CADPS: variants seen among roughly 807,000 people sequenced by gnomAD.
The protein encoded by CADPS is calcium dependent secretion activator.
In CADPS, 57 loss-of-function variants were observed where a neutral mutation model predicts 167.3. That is an observed-to-expected ratio of 0.34 (90% CI 0.28 to 0.42). The LOEUF is 0.42. Ranked by LOEUF, CADPS falls within the 20% of genes least tolerant of loss-of-function variation. The probability of loss-of-function intolerance (pLI) is 1.00; values close to 1 mark genes in which losing one functional copy is unlikely to be tolerated. For synonymous variants in CADPS, 676 were observed against 635.3 expected (o/e 1.06, Z -0.96); for missense variants, 1,414 against 1,738.1 (o/e 0.81, Z 3.32).
At chr3:62,523,138 C>T (rs969455965) in intron 13 of CADPS, among the ~76,000 whole-genome samples, 1 of 152,154 alleles carries the variant, frequency 6.6e-6, no homozygotes, top group African/African-American at 2.4e-5. Context: ...TCCTCACAGT[C>T]TCCCATCTTG....
chr3:62,656,883 T>G (rs1273801510), intron 4 of CADPS, among the ~76,000 whole-genome samples: 1 of 152,154 alleles, frequency 6.6e-6, no homozygotes, highest in Non-Finnish European at 1.5e-5. Flanking sequence ...TGAACAAGCT[T>G]CAGAGGACCC....
intron 6 of CADPS, among the ~76,000 whole-genome samples, chr3:62,609,957 T>A (rs2061264155): frequency 6.6e-6 from 1 of 151,858 alleles, no homozygotes; most frequent in Non-Finnish European, 1.5e-5. Flanking sequence ...GGAGTGGTGG[T>A]CCGTGCCTAT....
chr3:62,561,540 G>A (rs939660147), intron 9 of CADPS, among the ~76,000 whole-genome samples: 11 of 151,982 alleles, frequency 7.2e-5, no homozygotes, highest in Non-Finnish European at 1.3e-4. Flanking sequence ...AAAGTGCTGG[G>A]ATTACAGGCA....
rs4423760 is a variant in CADPS at position 62,749,415 on chromosome 3, T to A, written c.888+4026A>T. ...GCAGCAGCAGAAATCAGATTACAGC[T>A]TCCCCTAGGATACGATATGCGTAAG... On this transcript the variant is annotated intron_variant, in intron 3 of 29. Coordinates refer to ENST00000383710, the MANE Select transcript of CADPS (RefSeq NM_003716.4). 3.9e-5 allele frequency among the ~76,000 whole-genome samples: 6 copies of A among 152,152 alleles called. No individual in the cohort carries two copies. In the East Asian group the frequency reaches 5.8e-4, roughly 15 times the overall value.
intron 6 of CADPS, among the ~76,000 whole-genome samples, chr3:62,621,686 C>T (rs1250295009): frequency 6.6e-6 from 1 of 151,862 alleles, no homozygotes; most frequent in Non-Finnish European, 1.5e-5. Flanking sequence ...TTTCATCACC[C>T]AGATATTAAG....
intron 1 of CADPS, among the ~76,000 whole-genome samples, chr3:62,812,619 G>C (rs1576746011): frequency 1.3e-5 from 2 of 152,164 alleles, no homozygotes; most frequent in African/African-American, 4.8e-5. Flanking sequence ...GGCAACATGT[G>C]CTGTCTAGAT....
Position 62,438,575 on chromosome 3 carries a change from A to G in CADPS, c.3670-364T>C, listed in dbSNP as rs2055630515. Reference sequence around the variant, plus strand: ...AACCTGCATTAAAGAATATCCAAACATACTGTTTTCCACTGTCCTTAATAT... The same window carrying G: ...AACCTGCATTAAAGAATATCCAAACGTACTGTTTTCCACTGTCCTTAATAT... On this transcript the variant is annotated intron_variant, in intron 27 of 29. Transcript: ENST00000383710. The surrounding 1 kb of genome is among the most constrained non-coding windows in gnomAD (Gnocchi z 4.7). The G allele has an allele frequency of 5.0e-6, 1 of 200,456 alleles. No homozygotes were observed. Among genetic ancestry groups the G allele is most frequent in the African/African-American group, 2.4e-5 (1 of 42,440 alleles). The allele number at this position is 200,456 out of a possible 1,614,324, so 12.4% of individuals were successfully genotyped here. A position where few individuals can be genotyped will look rare whatever the true frequency, so the allele number is the denominator to read the frequency against.
At chr3:62,658,863 T>G (rs577117627) in intron 4 of CADPS, among the ~76,000 whole-genome samples, 4 of 152,236 alleles carry the variant, frequency 2.6e-5, no homozygotes, top group African/African-American at 7.2e-5. Flanking sequence ...TTCTTAGCAT[T>G]GTGAATTTGC....
Position 62,526,084 on chromosome 3 carries a change from C to T in CADPS, c.2291+6787G>A, listed in dbSNP as rs147571773. ...CTCTTGAGGTTCTATCTTGGGCAAC[C>T]GGGAGGATGAAACCACTTACTTAGG... On this transcript the variant is annotated intron_variant, in intron 13 of 29. Coordinates refer to ENST00000383710, the MANE Select transcript of CADPS (RefSeq NM_003716.4). Among the ~76,000 whole-genome samples, 655 of 152,144 alleles carry T rather than the reference C, an allele frequency of 4.3e-3. 4 individuals are homozygous for T. Among genetic ancestry groups the T allele is most frequent in the Non-Finnish European group, 7.3e-3 (499 of 67,996 alleles).
rs116046072 is a variant in CADPS, at chr3:62,593,825, T to G, written c.1326-1077A>C. On this transcript the variant is annotated intron_variant, in intron 6 of 29. Coordinates refer to ENST00000383710, the MANE Select transcript of CADPS (RefSeq NM_003716.4). ...TTAGCATACTATTTAATTTTGCATC[T>G]TAGCAATCACTGGATTTAAGTTATT... Among the ~76,000 whole-genome samples the G allele has an allele frequency of 8.7e-3, 1,332 of 152,372 alleles. 24 individuals are homozygous for G. Among genetic ancestry groups the G allele is most frequent in the African/African-American group, 0.03 (1,240 of 41,580 alleles).
chr3:62,864,387 G>T (rs1283732495), intron 1 of CADPS, among the ~76,000 whole-genome samples: 2 of 152,210 alleles, frequency 1.3e-5, no homozygotes, highest in Non-Finnish European at 2.9e-5. Context: ...GGCTGTCTTT[G>T]TTAGGACTGC....
At chr3:62,586,877 A>G (rs955430153) in intron 7 of CADPS, among the ~76,000 whole-genome samples, 1 of 152,244 alleles carries the variant, frequency 6.6e-6, no homozygotes, top group Non-Finnish European at 1.5e-5. Flanking sequence ...TAAAGATTTA[A>G]AAATCTACAT....
intron 6 of CADPS, among the ~76,000 whole-genome samples, chr3:62,633,402 G>A (rs2065677128): frequency 6.6e-6 from 1 of 152,052 alleles, no homozygotes; most frequent in Non-Finnish European, 1.5e-5. Flanking sequence ...AGGTTACTTT[G>A]GGACATAAAA....
chr3:62,447,634 A>G (rs1000676160), intron 26 of CADPS, among the ~76,000 whole-genome samples: 7 of 152,170 alleles, frequency 4.6e-5, no homozygotes, highest in African/African-American at 1.7e-4. Context: ...ATTGAGAAGT[A>G]AGCAGAGGCA....
intron 2 of CADPS, among the ~76,000 whole-genome samples, chr3:62,763,043 A>T (rs2085908564): frequency 6.6e-6 from 1 of 152,138 alleles, no homozygotes; most frequent in African/African-American, 2.4e-5. Context: ...CGTTTTGGTA[A>T]AAAGCAGCCT....
intron 1 of CADPS, among the ~76,000 whole-genome samples, chr3:62,800,607 C>T (rs532096416): frequency 5.9e-5 from 9 of 151,998 alleles, no homozygotes; most frequent in African/African-American, 9.7e-5. Flanking sequence ...TACAGATTTG[C>T]GTTATCCTTG....
At chr3:62,581,892 G>C (rs941294786) in intron 8 of CADPS, among the ~76,000 whole-genome samples, 1 of 152,138 alleles carries the variant, frequency 6.6e-6, no homozygotes, top group Admixed American at 6.5e-5. Flanking sequence ...AGATATAAAA[G>C]ATGAAAATTA....
At chr3:62,525,584 C>T (rs2071877939) in intron 13 of CADPS, among the ~76,000 whole-genome samples, 1 of 150,986 alleles carries the variant, frequency 6.6e-6, no homozygotes, top group African/African-American at 2.4e-5. Context: ...GTGCTACATG[C>T]AGAGGTTAGT....
intron 1 of CADPS, among the ~76,000 whole-genome samples, chr3:62,776,557 G>A (rs2090356740): frequency 6.6e-6 from 1 of 152,184 alleles, no homozygotes; most frequent in African/African-American, 2.4e-5. Flanking sequence ...GGGAGGCTGA[G>A]GCAGGAGAAT....
Sources: gnomAD v4.1 joint callset for allele counts (sites outside exome capture counted in the v4.1 genomes callset) on GRCh38, gnomAD v4.1.1 for gene constraint, Gnocchi (gnomAD v3.1) non-coding constraint, MANE v1.5 for transcripts, NCBI Gene and HGNC (gene_info 2026-07-23, HGNC 2026-07-21) for gene names.